The following ZNF638 variants were observed in gnomAD, a reference collection of about 807,000 sequenced individuals.
ZNF638 encodes the protein CTCL tumor antigen se33-1.
Under a neutral mutation model 195.6 loss-of-function variants are expected in ZNF638, and 46 were observed. The ratio of observed to expected loss-of-function variants is 0.24; its 90% confidence interval spans 0.19 to 0.30. The LOEUF (loss-of-function observed/expected upper bound fraction) is 0.30, where lower values mean the gene tolerates loss of function less well. Among genes scored for constraint, ZNF638 ranks in the 10% least tolerant of loss-of-function variants. ZNF638 has a pLI of 1.00. For synonymous variants in ZNF638, 845 were observed against 772.0 expected (o/e 1.09, Z -1.57); for missense variants, 2,440 against 2,325.3 (o/e 1.05, Z -1.01).
At chr2:71,388,231 C>A (rs1251816647) in intron 10 of ZNF638, among the ~76,000 whole-genome samples, 1 of 152,110 alleles carries the variant, frequency 6.6e-6, no homozygotes, top group East Asian at 1.9e-4. Flanking sequence ...TACCCTGAGG[C>A]TAAGGGCAAG....
At chr2:71,399,716 A>C in intron 13 of ZNF638, 71 bp downstream of exon 13, 3 of 1,260,566 alleles carry the variant, frequency 2.4e-6, no homozygotes, top group Non-Finnish European at 3.4e-6. Context: ...GTTCAGGGGT[A>C]CATGTGCAGG....
At chr2:71,334,472 C>G (rs1279597528) in intron 1 of ZNF638, 1 of 152,086 alleles carries the variant, frequency 6.6e-6, no homozygotes, top group Non-Finnish European at 1.5e-5. Flanking sequence ...TCCAGCTTAT[C>G]TACTCTTAAT....
chr2:71,433,519 G>A, intron 27 of ZNF638: 1 of 389,208 alleles, frequency 2.6e-6, no homozygotes, highest in Non-Finnish European at 4.6e-6. Flanking sequence ...AGTCTCATAT[G>A]ACACTCCATT....
At chr2:71,387,454 T>G (rs1396509980) in intron 10 of ZNF638, among the ~76,000 whole-genome samples, 1 of 152,106 alleles carries the variant, frequency 6.6e-6, no homozygotes, top group Non-Finnish European at 1.5e-5. Flanking sequence ...CTGGATCACT[T>G]GAGGCCAGGA....
intron 2 of ZNF638, among the ~76,000 whole-genome samples, chr2:71,350,988 A>G (rs972733800): frequency 1.3e-5 from 2 of 152,228 alleles, no homozygotes; most frequent in African/African-American, 2.4e-5. Context: ...ACTATAATGT[A>G]GAACATACTG....
In ZNF638 at chr2:71,434,752, C is replaced by T. The variant is rs758425880; in HGVS notation, c.5882C>T (p.Ala1961Val). The change falls in exon 28 of 28, where the codon GCC (alanine) becomes GTC (valine). Residue 1961 changes from alanine (A) to valine (V), a missense_variant. Physicochemically the swap from Ala to Val is moderately conservative, Grantham distance 64. Coordinates refer to ENST00000264447, the MANE Select transcript of ZNF638 (RefSeq NM_014497.5). ...AATTGCTTTTAACAGAAATTCATGG[C>T]CAAGCAAAGAAAGGAAAAGGAGCAG... ...RHKQNTEKFMAKQRKEKEQNE... is the reference protein window; with the variant it reads ...RHKQNTEKFMVKQRKEKEQNE... 1.2e-5 allele frequency: 19 copies of T among 1,611,778 alleles called. No homozygotes were observed. The Admixed American group carries it at 2.8e-4, about 24-fold the overall frequency.
In ZNF638 at chr2:71,410,369, A is replaced by ATT. The variant is rs142981822; in HGVS notation, c.3261+2131_3261+2132dup. ...CTAACTTTATTTTATTTGATTTTTG[A>ATT]TTTTTTTTTTGTGTGTGTGTGTGTG... On this transcript the variant is annotated intron_variant, in intron 20 of 27. Transcript: ENST00000264447. 7.6e-4 allele frequency among the ~76,000 whole-genome samples: 106 copies of ATT among 138,880 alleles called. 1 individual carries two copies. Among genetic ancestry groups the ATT allele is most frequent in the South Asian group, 3.2e-3 (14 of 4,338 alleles). The allele number at this position is 138,880 out of a possible 152,430, so 91.1% of individuals were successfully genotyped here. A position where few individuals can be genotyped will look rare whatever the true frequency, so the allele number is the denominator to read the frequency against.
intron 3 of ZNF638, among the ~76,000 whole-genome samples, chr2:71,358,212 G>A (rs1458575059): frequency 6.6e-6 from 1 of 152,150 alleles, no homozygotes; most frequent in Non-Finnish European, 1.5e-5. Context: ...TGGATCTAGG[G>A]CCCATTGGAT....
intron 10 of ZNF638, chr2:71,393,456 A>G (rs2079828563): frequency 1.4e-6 from 1 of 718,294 alleles, no homozygotes; most frequent in Non-Finnish European, 2.6e-6. Flanking sequence ...GACCCAACAC[A>G]GTACCAGAAG....
chr2:71,371,867 G>C (rs765871550), intron 8 of ZNF638, among the ~76,000 whole-genome samples: 3 of 151,912 alleles, frequency 2.0e-5, no homozygotes, highest in Non-Finnish European at 4.4e-5. Context: ...TTTGTGGGTT[G>C]TCTGTTGTTT....
At chr2:71,385,637 T>TA (rs2079621790) in intron 10 of ZNF638, among the ~76,000 whole-genome samples, 1 of 152,186 alleles carries the variant, frequency 6.6e-6, no homozygotes, top group Non-Finnish European at 1.5e-5. Context: ...ACATTACATG[T>TA]AAAATGAGTG....
chr2:71,395,839 T>A (rs1298593559), intron 10 of ZNF638: 1 of 461,386 alleles, frequency 2.2e-6, no homozygotes, highest in Non-Finnish European at 3.9e-6. Context: ...TGATATATTG[T>A]GTGTGTTTGG....
chr2:71,350,392 T>C (rs1220639521), intron 2 of ZNF638, 121 bp downstream of exon 2: 2 of 993,650 alleles, frequency 2.0e-6, no homozygotes, highest in African/African-American at 3.2e-5. Flanking sequence ...TAATTTTAAT[T>C]GCAACCTCAA....
In ZNF638 at chr2:71,426,594, T is replaced by G; in HGVS notation, c.4725T>G (p.Ser1575=). The G allele has an allele frequency of 6.2e-7, 1 of 1,614,164 alleles. No homozygotes were observed. Residue 1575 remains serine (S), a synonymous_variant, in exon 24 of 28, where the codon TCT becomes TCG. Coordinates refer to ENST00000264447, the MANE Select transcript of ZNF638 (RefSeq NM_014497.5). ...RKETLKNVPF[S]ELNLKKKKGK... is the part of the protein sequence containing the mutation. The stretch of plus-strand genomic sequence containing the variant: ...AAACTCTCAAAAATGTTCCTTTCTC[T>G]GAACTTAACTTAAAGAAGAAAAAGG...
intron 1 of ZNF638, chr2:71,348,450 C>A: frequency 2.0e-6 from 2 of 1,013,202 alleles, no homozygotes; most frequent in Non-Finnish European, 2.4e-6. Context: ...AATAAATTCC[C>A]AGTATTTTTC....
chr2:71,400,305 G>GAAATTTAA (rs1374503654), intron 14 of ZNF638, 125 bp downstream of exon 14: 6 of 1,049,348 alleles, frequency 5.7e-6, no homozygotes, highest in Non-Finnish European at 8.1e-6. Flanking sequence ...ATCTCAGAAT[G>GAAATTTAA]AAATTTAAAT....
At chr2:71,402,789 G>C (rs1261243342) in intron 16 of ZNF638, among the ~76,000 whole-genome samples, 1 of 152,156 alleles carries the variant, frequency 6.6e-6, no homozygotes, top group Non-Finnish European at 1.5e-5. Flanking sequence ...TCATGGAAAT[G>C]ACACCATTAG....
intron 1 of ZNF638, chr2:71,332,962 TCTG>T (rs2078599023): frequency 6.6e-6 from 1 of 152,230 alleles, no homozygotes; most frequent in South Asian, 2.1e-4. Flanking sequence ...CAAAAAATTT[TCTG>T]CTTTTTCCCC....
chr2:71,385,943 A>G (rs796171348), intron 10 of ZNF638, among the ~76,000 whole-genome samples: 20 of 152,286 alleles, frequency 1.3e-4, no homozygotes, highest in Middle Eastern at 3.4e-3. Context: ...ATAATGGACT[A>G]TGCACAAGAG....
Sources: allele counts gnomAD v4.1 joint callset (sites outside exome capture counted in the v4.1 genomes callset), GRCh38; gene constraint gnomAD v4.1.1; transcripts MANE v1.5; gene names NCBI Gene and HGNC (gene_info 2026-07-23, HGNC 2026-07-21).